UNC93A: variants seen among roughly 807,000 people sequenced by gnomAD.
UNC93A encodes unc-93 homolog A.
Under a neutral mutation model 47.5 loss-of-function variants are expected in UNC93A, and 43 were observed. The ratio of observed to expected loss-of-function variants is 0.91; its 90% CI spans 0.71 to 1.17. UNC93A has a LOEUF of 1.17. Among genes scored for constraint, UNC93A ranks in the 50% most tolerant of loss-of-function variants. UNC93A has a pLI of 0.00. For missense variants in UNC93A, 605 were observed against 577.6 expected (o/e 1.05, Z -0.49); for synonymous variants, 280 against 258.0 (o/e 1.09, Z -0.82).
chr6:167,290,408 A>G (rs1398786287), upstream of UNC93A, among the ~76,000 whole-genome samples: 1 of 152,212 alleles, frequency 6.6e-6, no homozygotes, highest in Non-Finnish European at 1.5e-5. Context: ...CTTACCTGCG[A>G]GATTTGCCTT....
upstream of UNC93A, among the ~76,000 whole-genome samples, chr6:167,270,603 G>A (rs751070142): frequency 2.0e-5 from 3 of 152,168 alleles, no homozygotes; most frequent in Non-Finnish European, 4.4e-5. Context: ...CCTGGTGCCT[G>A]TGAACGAGCC....
intron 1 of UNC93A, among the ~76,000 whole-genome samples, chr6:167,291,981 C>G (rs112946663): frequency 0.019 from 2,917 of 152,310 alleles, 49 homozygotes; most frequent in East Asian, 0.072. Flanking sequence ...AGACCTTATA[C>G]ATTCCAAGCC....
Position 167,296,209 on chromosome 6 carries a change from T to C in UNC93A, c.447T>C (p.Gly149=). 4 of 1,614,158 alleles carry C rather than the reference T, an allele frequency of 2.5e-6. No individual in the cohort carries two copies. The highest frequency in any genetic ancestry group is 3.4e-6 in the Non-Finnish European group (4 of 1,180,038). Residue 149 remains glycine (G), a synonymous_variant, in exon 3 of 8, where the codon GGT becomes GGC. Coordinates refer to ENST00000230256, the MANE Select transcript of UNC93A (RefSeq NM_018974.4). ...GIFFLIFQSS[G]VWGNLISSLV... ...TCTTCCTCATATTCCAGTCATCCGG[T>C]GTGTGGGGCAACTTGATCTCATCGC...
At position 167,315,452 on chromosome 6, in the gene UNC93A, A is replaced by G; in HGVS notation, c.1374A>G (p.Ter458TrpextTer3). 6.2e-7 allele frequency: 1 copy of G among 1,613,988 alleles called. No homozygotes were observed. Among genetic ancestry groups the G allele is most frequent in the South Asian group, 1.1e-5 (1 of 91,080 alleles). Residue 458 changes from the stop codon to tryptophan, a stop_lost, in exon 8 of 8, where the codon TGA (stop) becomes TGG (tryptophan). Coordinates refer to ENST00000230256, the MANE Select transcript of UNC93A (RefSeq NM_018974.4). Reference sequence around the variant, plus strand: ...ATGAAGAAATACAAACAAAAATGTGAGAGCAGTGAGGTCCGAGGAGGATGA... The same window carrying G: ...ATGAAGAAATACAAACAAAAATGTGGGAGCAGTGAGGTCCGAGGAGGATGA... ...AEDEEIQTKM[*>W]
chr6:167,307,091 C>T (rs189445305), intron 6 of UNC93A, among the ~76,000 whole-genome samples: 13 of 152,264 alleles, frequency 8.5e-5, no homozygotes, highest in Middle Eastern at 3.4e-3. Context: ...CCTGGCTACT[C>T]GGAAAGGTGC....
At chr6:167,273,044 G>C (rs1350294769) in intron 1 of UNC93A, among the ~76,000 whole-genome samples, 1 of 152,116 alleles carries the variant, frequency 6.6e-6, no homozygotes, top group African/African-American at 2.4e-5. Context: ...TTACAGGCTC[G>C]CCTGCCTGTG....
intron 1 of UNC93A, among the ~76,000 whole-genome samples, chr6:167,277,736 T>TC (rs1783567713): frequency 2.0e-5 from 3 of 151,960 alleles, no homozygotes; most frequent in Non-Finnish European, 2.9e-5. Context: ...TCTATAACTC[T>TC]TTCTGTCTCT....
chr6:167,304,814 C>G (rs997819088), intron 5 of UNC93A, among the ~76,000 whole-genome samples: 10 of 152,198 alleles, frequency 6.6e-5, no homozygotes, highest in Admixed American at 2.6e-4. Context: ...AGGTGATCTG[C>G]CTGCCTCGGC....
rs1209369347 is a variant in UNC93A, at chr6:167,296,273, A to C, written c.499+12A>C. 5 of 1,613,400 alleles carry C rather than the reference A, an allele frequency of 3.1e-6. No individual in the cohort carries two copies. In the South Asian group the frequency reaches 5.5e-5, roughly 18 times the overall value. On this transcript the variant is annotated intron_variant, in intron 3 of 7. Coordinates refer to ENST00000230256, the MANE Select transcript of UNC93A (RefSeq NM_018974.4). ...GACTCCCAGCCAAGGTAAAAGGAAA[A>C]GGGGCAAGCAATTGTCTCCAAGTGG... is the stretch of plus-strand genomic sequence containing the variant.
At position 167,306,582 on chromosome 6, in the gene UNC93A, C is replaced by T. The variant is rs193063154; in HGVS notation, c.976+532C>T. 2.4e-3 allele frequency among the ~76,000 whole-genome samples: 364 copies of T among 152,296 alleles called. 3 individuals carry two copies. Among genetic ancestry groups the T allele is most frequent in the Admixed American group, 7.1e-3 (108 of 15,306 alleles). On this transcript the variant is annotated intron_variant, in intron 6 of 7. Transcript: ENST00000230256. The stretch of plus-strand genomic sequence containing the variant: ...TGAACAATGAGGAATGCAGGCACTA[C>T]GAAAAACAGCGCCTGGCATGTCAAT...
intron 5 of UNC93A, among the ~76,000 whole-genome samples, chr6:167,305,487 C>T (rs569061822): frequency 7.7e-4 from 117 of 152,146 alleles, no homozygotes; most frequent in Non-Finnish European, 1.1e-3. Flanking sequence ...CATGTGCAGC[C>T]GGCTGCTGGG....
At chr6:167,307,733 T>C (rs779337984) in intron 6 of UNC93A, 46 bp from the exon 7 acceptor site, 2 of 1,567,022 alleles carry the variant, frequency 1.3e-6, no homozygotes, top group Non-Finnish European at 1.7e-6. Context: ...CTCCAGGCCA[T>C]GATGATGGCC....
At chr6:167,298,143 A>G in intron 4 of UNC93A, 73 bp downstream of exon 4, 1 of 1,549,004 alleles carries the variant, frequency 6.5e-7, no homozygotes, top group Non-Finnish European at 8.7e-7. Context: ...GCTGACAAAG[A>G]CTGTCTCTCC....
intron 1 of UNC93A, among the ~76,000 whole-genome samples, chr6:167,274,620 A>ACTGGCG (rs1156955931): frequency 6.6e-6 from 1 of 152,172 alleles, no homozygotes; most frequent in Admixed American, 6.5e-5. Flanking sequence ...CTCTTAGCTG[A>ACTGGCG]CTGGCGGCTG....
At chr6:167,284,110 G>A (rs1235608897) in intron 1 of UNC93A, among the ~76,000 whole-genome samples, 1 of 152,120 alleles carries the variant, frequency 6.6e-6, no homozygotes, top group African/African-American at 2.4e-5. Context: ...TCTGGCTTCT[G>A]CTCACTTCTG....
intron 1 of UNC93A, among the ~76,000 whole-genome samples, chr6:167,272,932 G>A (rs539925771): frequency 1.3e-4 from 20 of 152,194 alleles, no homozygotes; most frequent in African/African-American, 3.4e-4. Context: ...CCCACTTCCC[G>A]TCGTGGCCTG....
intron 4 of UNC93A, among the ~76,000 whole-genome samples, chr6:167,299,073 G>A (rs113986869): frequency 0.019 from 2,831 of 146,762 alleles, 61 homozygotes; most frequent in East Asian, 0.082. Flanking sequence ...AGCCAAGATC[G>A]CGCTGCTGCA....
At chr6:167,269,273 G>T (rs1186409479), upstream of UNC93A, among the ~76,000 whole-genome samples, 2 of 152,210 alleles carry the variant, frequency 1.3e-5, no homozygotes, top group Non-Finnish European at 2.9e-5. Context: ...GGTGAGCGAC[G>T]CCCAGAGACC....
Position 167,280,739 on chromosome 6 carries a change from T to C in UNC93A, c.-52+9281T>C, listed in dbSNP as rs533167024. 9.2e-5 allele frequency among the ~76,000 whole-genome samples: 14 copies of C among 152,222 alleles called. No individual in the cohort carries two copies. The East Asian group carries it at 2.7e-3, about 29-fold the overall frequency. On this transcript the variant is annotated intron_variant, in intron 1 of 3. Coordinates refer to the UNC93A transcript ENST00000503433. ...AATGATTGTTGTATAGACCAATGCA[T>C]AACCTGCTGACACTGGAATGAAACT...
Sources: allele counts gnomAD v4.1 joint callset (sites outside exome capture counted in the v4.1 genomes callset), GRCh38; gene constraint gnomAD v4.1.1; transcripts MANE v1.5; gene names NCBI Gene and HGNC (gene_info 2026-07-23, HGNC 2026-07-21).